MINDY4: variants seen among roughly 807,000 people sequenced by gnomAD.
MINDY4 encodes the protein MINDY lysine 48 deubiquitinase 4.
Under a neutral mutation model 87.0 loss-of-function variants are expected in MINDY4, and 68 were observed. The ratio of observed to expected loss-of-function variants is 0.78; its 90% confidence interval spans 0.64 to 0.96. The LOEUF is 0.96. Among genes scored for constraint, MINDY4 ranks in the 40% least tolerant of loss-of-function variants. The pLI is 0.00. For synonymous variants in MINDY4, 379 were observed against 363.2 expected (o/e 1.04, Z -0.50); for missense variants, 919 against 928.2 (o/e 0.99, Z 0.13).
At chr7:30,848,816 A>G (rs1789307258) in intron 9 of MINDY4, among the ~76,000 whole-genome samples, 2 of 152,186 alleles carry the variant, frequency 1.3e-5, no homozygotes, top group South Asian at 4.1e-4. Context: ...AAGGATTTCC[A>G]GTGTCAGAGG....
At chr7:30,888,366 A>G (rs1213733150) in intron 17 of MINDY4, among the ~76,000 whole-genome samples, 1 of 152,166 alleles carries the variant, frequency 6.6e-6, no homozygotes, top group Non-Finnish European at 1.5e-5. Flanking sequence ...TAAACATTTC[A>G]TAATGCACAC....
chr7:30,787,368 G>A (rs1787186502), intron 4 of MINDY4, among the ~76,000 whole-genome samples: 1 of 152,232 alleles, frequency 6.6e-6, no homozygotes, highest in Non-Finnish European at 1.5e-5. Flanking sequence ...ATGGTGAACA[G>A]TTTGGAGGAA....
At chr7:30,805,316 A>AGG (rs1787771593) in intron 5 of MINDY4, among the ~76,000 whole-genome samples, 1 of 152,254 alleles carries the variant, frequency 6.6e-6, no homozygotes, top group South Asian at 2.1e-4. Flanking sequence ...GGGCACCTGA[A>AGG]GGGGAGGTGC....
intron 9 of MINDY4, among the ~76,000 whole-genome samples, chr7:30,844,480 G>T (rs1028304781): frequency 6.6e-6 from 1 of 151,826 alleles, no homozygotes; most frequent in Non-Finnish European, 1.5e-5. Context: ...GCCTCAGGTC[G>T]CAGGTAGATA....
rs1259148771 is a variant in MINDY4 at position 30,778,547 on chromosome 7, A to G, written c.179A>G (p.Asn60Ser). 1.2e-6 allele frequency: 2 copies of G among 1,614,120 alleles called. No individual in the cohort carries two copies. Among genetic ancestry groups the G allele is most frequent in the South Asian group, 1.1e-5 (1 of 91,082 alleles). Residue 60 changes from asparagine (N) to serine (S), a missense_variant, in exon 2 of 18, where the codon AAC (asparagine) becomes AGC (serine). Asn to Ser is a conservative substitution (Grantham distance 46, BLOSUM62 1). Transcript: ENST00000265299. ...CATCTTGAATTTCTCTATAAGGAGAACAAGGTATGTGCTTTCTAAGGTGTG... is the reference window on the plus strand; with the variant it reads ...CATCTTGAATTTCTCTATAAGGAGAGCAAGGTATGTGCTTTCTAAGGTGTG... ...VLHLEFLYKE[N>S]KAKENPLKTS...
chr7:30,775,711 C>G (rs1377766158), intron 1 of MINDY4, among the ~76,000 whole-genome samples: 1 of 152,192 alleles, frequency 6.6e-6, no homozygotes, highest in African/African-American at 2.4e-5. Context: ...TCCCCATCCA[C>G]TAGTCATCAC....
At chr7:30,881,938 T>C (rs1278013031) in intron 15 of MINDY4, among the ~76,000 whole-genome samples, 1 of 152,048 alleles carries the variant, frequency 6.6e-6, no homozygotes, top group Non-Finnish European at 1.5e-5. Flanking sequence ...GGGCGAGTGA[T>C]ACCGGGTCTC....
chr7:30,874,045 C>T (rs1426432827), intron 14 of MINDY4, among the ~76,000 whole-genome samples: 12 of 152,184 alleles, frequency 7.9e-5, no homozygotes, highest in Admixed American at 1.3e-4. Flanking sequence ...GTCATTTTAA[C>T]GATTCAGGCG....
At chr7:30,804,505 G>T (rs1190804757) in intron 5 of MINDY4, among the ~76,000 whole-genome samples, 4 of 152,148 alleles carry the variant, frequency 2.6e-5, no homozygotes, top group African/African-American at 9.7e-5. Flanking sequence ...CTCCCAAGAG[G>T]CTGAGACATC....
intron 3 of MINDY4, among the ~76,000 whole-genome samples, chr7:30,784,244 C>T (rs1294155676): frequency 6.6e-6 from 1 of 152,210 alleles, no homozygotes; most frequent in Non-Finnish European, 1.5e-5. Context: ...GAAGTTGAAG[C>T]TCCTGAGTCC....
intron 5 of MINDY4, among the ~76,000 whole-genome samples, chr7:30,791,863 A>G (rs1040664466): frequency 1.3e-5 from 2 of 152,148 alleles, no homozygotes; most frequent in African/African-American, 2.4e-5. Context: ...CATAAAATAT[A>G]CTAACAATAG....
At chr7:30,784,820 C>T (rs912104468) in intron 3 of MINDY4, among the ~76,000 whole-genome samples, 3 of 152,098 alleles carry the variant, frequency 2.0e-5, no homozygotes, top group South Asian at 2.1e-4. Flanking sequence ...CCTGACATGC[C>T]ACAATCACAG....
intron 13 of MINDY4, among the ~76,000 whole-genome samples, chr7:30,869,547 C>T (rs546532364): frequency 1.2e-4 from 19 of 152,222 alleles, no homozygotes; most frequent in Admixed American, 1.0e-3. Flanking sequence ...CTCCCGGGCT[C>T]GCAGGTGGCC....
rs1045081106 is a variant in MINDY4, at chr7:30,866,522, C to G, written c.1746-5721C>G. On this transcript the variant is annotated intron_variant, in intron 13 of 17. Transcript: ENST00000265299. ...GGGTCTGGAGACCAGTTCTAGCCCT[C>G]AAAGTCCTTGCCACCTGGAGAGGCA... Among the ~76,000 whole-genome samples, 11 of 152,330 alleles carry G rather than the reference C, an allele frequency of 7.2e-5. No individual in the cohort carries two copies. The South Asian group carries it at 2.1e-3, about 29-fold the overall frequency.
At chr7:30,774,794 T>C (rs1786758590) in intron 1 of MINDY4, among the ~76,000 whole-genome samples, 1 of 151,924 alleles carries the variant, frequency 6.6e-6, no homozygotes, top group Non-Finnish European at 1.5e-5. Context: ...TCTTCGCTGG[T>C]CCCCCTAGTT....
At chr7:30,872,077 G>A (rs1790122015) in intron 13 of MINDY4, among the ~76,000 whole-genome samples, 166 bp from the exon 14 acceptor site, 1 of 152,210 alleles carries the variant, frequency 6.6e-6, no homozygotes. Flanking sequence ...TCCCTTCTGG[G>A]TGGGAGCCTC....
intron 15 of MINDY4, among the ~76,000 whole-genome samples, chr7:30,876,423 C>A (rs1790260767): frequency 6.6e-6 from 1 of 152,228 alleles, no homozygotes; most frequent in Non-Finnish European, 1.5e-5. Context: ...TAGGATTCAA[C>A]ACATCTTTTT....
chr7:30,870,833 AT>A (rs1291474934), intron 13 of MINDY4, among the ~76,000 whole-genome samples: 1 of 152,198 alleles, frequency 6.6e-6, no homozygotes, highest in Non-Finnish European at 1.5e-5. Flanking sequence ...TCTAAATGTT[AT>A]ACCTGGCCTC....
intron 14 of MINDY4, among the ~76,000 whole-genome samples, chr7:30,872,982 A>T (rs192160377): frequency 1.3e-5 from 2 of 152,188 alleles, no homozygotes; most frequent in Admixed American, 1.3e-4. Flanking sequence ...CTCTCAGCAC[A>T]TGGGGGGCCA....
Sources: gnomAD v4.1 joint callset for allele counts (sites outside exome capture counted in the v4.1 genomes callset) on GRCh38, gnomAD v4.1.1 for gene constraint, MANE v1.5 for transcripts, NCBI Gene and HGNC (gene_info 2026-07-23, HGNC 2026-07-21) for gene names.